Variants in LIPC observed in about 807,000 individuals in gnomAD.
LIPC encodes lipase C, hepatic type, also known as hepatic triacylglycerol lipase.
In LIPC, 44 loss-of-function variants were observed where a neutral mutation model predicts 50.7. The observed-to-expected ratio is 0.87, with a 90% CI of 0.68 to 1.11. The LOEUF (loss-of-function observed/expected upper bound fraction) is 1.11, where lower values mean the gene tolerates loss of function less well. Among genes scored for constraint, LIPC ranks in the 50% most tolerant of loss-of-function variants. The pLI is 0.00. For synonymous variants in LIPC, 271 were observed against 256.4 expected (o/e 1.06, Z -0.54); for missense variants, 697 against 648.2 (o/e 1.08, Z -0.82).
chr15:58,467,413 G>A (rs1894608828), intron 1 of LIPC, among the ~76,000 whole-genome samples: 1 of 152,130 alleles, frequency 6.6e-6, no homozygotes, highest in African/African-American at 2.4e-5. Flanking sequence ...TTTCCGCTCC[G>A]TTGCTTATTC....
intron 5 of LIPC, among the ~76,000 whole-genome samples, chr15:58,547,270 C>A (rs1893564201): frequency 1.3e-5 from 2 of 152,322 alleles, no homozygotes; most frequent in African/African-American, 2.4e-5. Flanking sequence ...TGGATAACTG[C>A]AGATTCACCT....
At position 58,542,550 on chromosome 15, in the gene LIPC, C is replaced by G. The variant is rs142833050; in HGVS notation, c.473C>G (p.Ser158Cys). ...LRWLEESVQL[S>C]RSHVHLIGYS... Reference sequence around the variant, plus strand: ...GTCTTCCAGGAATCTGTGCAACTCTCTCGAAGCCATGTTCACCTAATTGGG... The same window carrying G: ...GTCTTCCAGGAATCTGTGCAACTCTGTCGAAGCCATGTTCACCTAATTGGG... Residue 158 changes from serine to cysteine, a missense_variant, in exon 4 of 9, where the codon TCT becomes TGT. Ser to Cys is a moderately radical substitution (Grantham distance 112). Coordinates refer to ENST00000299022, the MANE Select transcript of LIPC (RefSeq NM_000236.3). 28 of 1,612,726 alleles carry G rather than the reference C, an allele frequency of 1.7e-5. No homozygotes were observed. In the African/African-American group the frequency reaches 3.5e-4, roughly 20 times the overall value.
intron 1 of LIPC, among the ~76,000 whole-genome samples, chr15:58,519,247 A>T (rs560624552): frequency 1.6e-4 from 24 of 152,060 alleles, no homozygotes; most frequent in Non-Finnish European, 3.5e-4. Context: ...TCTCTACTAA[A>T]AATACAAAAA....
chr15:58,531,626 C>CA (rs60425157), intron 1 of LIPC, among the ~76,000 whole-genome samples: 2,103 of 82,704 alleles, frequency 0.025, 109 homozygotes, highest in African/African-American at 0.085. Flanking sequence ...AAAATGGACT[C>CA]AAAAAAAAAA....
At chr15:58,553,032 C>T (rs1276755639) in intron 6 of LIPC, among the ~76,000 whole-genome samples, 1 of 152,206 alleles carries the variant, frequency 6.6e-6, no homozygotes, top group Non-Finnish European at 1.5e-5. Flanking sequence ...CATCTTATCA[C>T]ATTTTTACAG....
chr15:58,539,100 C>A (rs1451562047), intron 2 of LIPC, among the ~76,000 whole-genome samples: 2 of 152,210 alleles, frequency 1.3e-5, no homozygotes, highest in African/African-American at 4.8e-5. Context: ...GACCCTCATC[C>A]TCATAGTCCA....
chr15:58,512,011 G>A (rs1892344219), intron 1 of LIPC, among the ~76,000 whole-genome samples: 1 of 151,928 alleles, frequency 6.6e-6, no homozygotes, highest in African/African-American at 2.4e-5. Context: ...AAACCTAGAA[G>A]GAAATCACAA....
At chr15:58,456,556 G>A (rs922642235) in intron 1 of LIPC, among the ~76,000 whole-genome samples, 4 of 152,232 alleles carry the variant, frequency 2.6e-5, no homozygotes, top group Admixed American at 1.3e-4. Context: ...GTGCTGGGGG[G>A]TGAATAGAGA....
intron 1 of LIPC, among the ~76,000 whole-genome samples, chr15:58,451,357 G>C (rs1298297544): frequency 1.3e-5 from 2 of 152,142 alleles, no homozygotes; most frequent in African/African-American, 4.8e-5. Context: ...ATGTAACATA[G>C]ATGTCCAAAT....
At position 58,538,341 on chromosome 15, in the gene LIPC, GGAA is replaced by G; in HGVS notation, c.103_105del (p.Arg35del). ...CCAATCTTATATTGCAGAGCCATTT[GGAA>G]GAAGAGCTCAAGCTGTTGAAACAAA... is the stretch of plus-strand genomic sequence containing the variant. On this transcript the variant is annotated inframe_deletion, in exon 2 of 9. Coordinates refer to ENST00000299022, the MANE Select transcript of LIPC (RefSeq NM_000236.3). 2 of 1,614,178 alleles carry G rather than the reference GGAA, an allele frequency of 1.2e-6. No homozygotes were observed. The highest frequency in any genetic ancestry group is 1.7e-6 in the Non-Finnish European group (2 of 1,180,010).
At chr15:58,564,610 C>T (rs1252994053) in intron 8 of LIPC, among the ~76,000 whole-genome samples, 1 of 152,038 alleles carries the variant, frequency 6.6e-6, no homozygotes, top group Admixed American at 6.6e-5. Context: ...AATGGTAGTC[C>T]CAGCTACTCG....
chr15:58,536,177 G>C (rs1391846486), intron 1 of LIPC, among the ~76,000 whole-genome samples: 1 of 152,194 alleles, frequency 6.6e-6, no homozygotes, highest in African/African-American at 2.4e-5. Context: ...CTTCCTGGAG[G>C]CTGTGAAGTC....
intron 1 of LIPC, among the ~76,000 whole-genome samples, chr15:58,465,057 A>G (rs1407820328): frequency 6.6e-6 from 1 of 152,134 alleles, no homozygotes; most frequent in Non-Finnish European, 1.5e-5. Flanking sequence ...GAATAATACT[A>G]TGGCTGGTTT....
At chr15:58,518,753 A>G (rs1387808386) in intron 1 of LIPC, among the ~76,000 whole-genome samples, 1 of 152,178 alleles carries the variant, frequency 6.6e-6, no homozygotes, top group Admixed American at 6.5e-5. Flanking sequence ...CTCGAAGTTC[A>G]AGAGCAGGCA....
At chr15:58,446,197 C>T (rs368145319) in intron 1 of LIPC, among the ~76,000 whole-genome samples, 3 of 152,084 alleles carry the variant, frequency 2.0e-5, no homozygotes, top group South Asian at 2.1e-4. Flanking sequence ...AATATTTATA[C>T]GCTAGTATTT....
intron 1 of LIPC, among the ~76,000 whole-genome samples, chr15:58,518,940 T>TA (rs879392345): frequency 3.9e-4 from 54 of 140,170 alleles, no homozygotes; most frequent in African/African-American, 6.1e-4. Flanking sequence ...ATTCGTCACC[T>TA]AAAAAAAAAA....
chr15:58,558,571 C>T lies in LIPC; in HGVS notation c.1052-2293C>T, dbSNP rs548027417. The stretch of plus-strand genomic sequence containing the variant: ...CGAGCAAGCATAACCGCCTGAGCTC[C>T]ACCTGTCAGAGCAGTGGCAACATAA... On this transcript the variant is annotated intron_variant, in intron 6 of 8. Coordinates refer to ENST00000299022, the MANE Select transcript of LIPC (RefSeq NM_000236.3). Among the ~76,000 whole-genome samples the T allele has an allele frequency of 5.7e-4, 87 of 152,290 alleles. 1 individual carries two copies. The highest frequency in any genetic ancestry group is 1.7e-3 in the African/African-American group (71 of 41,546).
At chr15:58,486,289 G>C (rs1192445929) in intron 1 of LIPC, among the ~76,000 whole-genome samples, 9 of 152,314 alleles carry the variant, frequency 5.9e-5, no homozygotes, top group Middle Eastern at 6.8e-3. Context: ...AGGGTGACCA[G>C]CTGTCCTAGT....
At chr15:58,465,114 A>G (rs1894502099) in intron 1 of LIPC, among the ~76,000 whole-genome samples, 1 of 152,134 alleles carries the variant, frequency 6.6e-6, no homozygotes. Flanking sequence ...TACTTTTCTG[A>G]TGTTTTGGGT....
Sources: allele counts gnomAD v4.1 joint callset (sites outside exome capture counted in the v4.1 genomes callset), GRCh38; gene constraint gnomAD v4.1.1; transcripts MANE v1.5; gene names NCBI Gene and HGNC (gene_info 2026-07-23, HGNC 2026-07-21).